Variants in ATP1B3 observed in about 807,000 individuals in gnomAD.
ATP1B3 encodes the protein ATPase Na+/K+ transporting subunit beta 3.
ATP1B3 carries 10 observed loss-of-function variants against 30.2 expected under a neutral mutation model. The observed-to-expected ratio is 0.33, with a 90% CI of 0.20 to 0.56. ATP1B3 has a LOEUF of 0.56. Among genes scored for constraint, ATP1B3 ranks in the 20% least tolerant of loss-of-function variants. ATP1B3 has a pLI of 0.90. For synonymous variants in ATP1B3, 113 were observed against 117.0 expected, an observed-to-expected ratio of 0.97 and a Z score of 0.22; for missense variants, 238 against 336.7, an observed-to-expected ratio of 0.71 and a Z score of 2.29.
intron 6 of ATP1B3, among the ~76,000 whole-genome samples, chr3:141,923,425 T>C (rs367633028): frequency 3.3e-5 from 5 of 152,012 alleles, no homozygotes; most frequent in Non-Finnish European, 7.3e-5. Flanking sequence ...CTCAGGACTC[T>C]GTTGAAAGTA....
chr3:141,910,802 ATTTT>A (rs1281369260), intron 3 of ATP1B3, among the ~76,000 whole-genome samples: 1 of 106,958 alleles, frequency 9.3e-6, no homozygotes, highest in Non-Finnish European at 2.0e-5. Context: ...AATTATTTTT[ATTTT>A]TTCTCTTAAT....
At chr3:141,915,071 C>T (rs1934430121) in intron 4 of ATP1B3, among the ~76,000 whole-genome samples, 1 of 152,132 alleles carries the variant, frequency 6.6e-6, no homozygotes, top group Non-Finnish European at 1.5e-5. Flanking sequence ...CTAGAAGTAT[C>T]CTCACGACAT....
chr3:141,915,888 C>G, intron 4 of ATP1B3, 82 bp from the exon 5 acceptor site: 1 of 1,079,100 alleles, frequency 9.3e-7, no homozygotes. Flanking sequence ...AAGTCTTCAC[C>G]CCTTGTTCCC....
chr3:141,898,679 A>G (rs1402715710), intron 1 of ATP1B3, among the ~76,000 whole-genome samples: 1 of 152,206 alleles, frequency 6.6e-6, no homozygotes, highest in Non-Finnish European at 1.5e-5. Context: ...AAGACAGTCT[A>G]CCAGTTACTC....
At position 141,925,851 on chromosome 3, in the gene ATP1B3, A is replaced by G. The variant is rs576509089; in HGVS notation, c.*150A>G. The G allele has an allele frequency of 5.0e-6, 5 of 1,003,814 alleles. No homozygotes were observed. The South Asian group carries it at 8.4e-5, about 17-fold the overall frequency. The allele number at this position is 1,003,814 out of a possible 1,614,324, so 62.2% of individuals were successfully genotyped here. Reference sequence around the variant, plus strand: ...TTACATCATAACGTGCTTCCAGATCATAGTGTTCAGTGTCCTCTGAAGTAA... The same window carrying G: ...TTACATCATAACGTGCTTCCAGATCGTAGTGTTCAGTGTCCTCTGAAGTAA... On this transcript the variant is annotated 3_prime_UTR_variant, in exon 7 of 7. Transcript: ENST00000286371.
intron 1 of ATP1B3, among the ~76,000 whole-genome samples, chr3:141,890,285 C>CTTTTTTTTTTTT (rs775182342): frequency 3.5e-5 from 1 of 28,554 alleles, no homozygotes; most frequent in Non-Finnish European, 5.8e-5. Context: ...TTTTGTGGGG[C>CTTTTTTTTTTTT]TTTTTTTTTT....
At chr3:141,884,849 G>A (rs1159463604) in intron 1 of ATP1B3, among the ~76,000 whole-genome samples, 1 of 152,116 alleles carries the variant, frequency 6.6e-6, no homozygotes, top group Non-Finnish European at 1.5e-5. Flanking sequence ...CTCAGGTGCT[G>A]TCTTTGGCCT....
rs548018842 is a variant in ATP1B3, at chr3:141,911,308, G to T, written c.347-2344G>T. Among the ~76,000 whole-genome samples the T allele has an allele frequency of 3.3e-5, 5 of 152,098 alleles. No individual in the cohort carries two copies. The South Asian group carries it at 1.0e-3, about 32-fold the overall frequency. ...TCAACTCCTTTTTGGTTTTTAAAAC[G>T]TTCGACTGCTGTCAATCCTTATGCC... On this transcript the variant is annotated intron_variant, in intron 3 of 6. Coordinates refer to ENST00000286371, the MANE Select transcript of ATP1B3 (RefSeq NM_001679.4).
At chr3:141,914,405 G>T (rs1934419554) in intron 4 of ATP1B3, among the ~76,000 whole-genome samples, 1 of 152,126 alleles carries the variant, frequency 6.6e-6, no homozygotes, top group Non-Finnish European at 1.5e-5. Flanking sequence ...TTTACAGAAG[G>T]GTGCCTAAAT....
At chr3:141,890,285 C>CCT (rs1933922761) in intron 1 of ATP1B3, among the ~76,000 whole-genome samples, 1 of 28,568 alleles carries the variant, frequency 3.5e-5, no homozygotes, top group African/African-American at 1.4e-4. Flanking sequence ...TTTTGTGGGG[C>CCT]TTTTTTTTTT....
chr3:141,894,332 T>A (rs1462308644), intron 1 of ATP1B3, among the ~76,000 whole-genome samples: 2 of 152,154 alleles, frequency 1.3e-5, no homozygotes. Flanking sequence ...TACAATTTTT[T>A]TTTTTAATTG....
intron 5 of ATP1B3, chr3:141,921,709 T>G: frequency 4.5e-6 from 1 of 220,602 alleles, no homozygotes; most frequent in Non-Finnish European, 8.6e-6. Flanking sequence ...GTACATGAGT[T>G]AAAGAAGGGA....
At chr3:141,922,688 C>G (rs531157821) in intron 6 of ATP1B3, among the ~76,000 whole-genome samples, 1 of 152,122 alleles carries the variant, frequency 6.6e-6, no homozygotes, top group Admixed American at 6.6e-5. Flanking sequence ...AAAATCAAGG[C>G]CAGGCGCAGT....
chr3:141,877,440 G>A (rs1378679285), intron 1 of ATP1B3: 1 of 152,306 alleles, frequency 6.6e-6, no homozygotes, highest in African/African-American at 2.4e-5. Context: ...CCGGTCGGAA[G>A]AGTGCGACTG....
chr3:141,904,614 A>T (rs2068231), intron 2 of ATP1B3, among the ~76,000 whole-genome samples: 47,135 of 151,734 alleles, frequency 0.31, 8,954 homozygotes, highest in African/African-American at 0.54. Context: ...CTGGAAAAAA[A>T]ATTCATTATA....
intron 2 of ATP1B3, among the ~76,000 whole-genome samples, chr3:141,904,958 G>A (rs185459157): frequency 1.3e-4 from 20 of 152,096 alleles, no homozygotes; most frequent in Admixed American, 3.9e-4. Context: ...CGATCCACCC[G>A]CCTCGGCCTC....
chr3:141,890,378 C>A (rs1327836733), intron 1 of ATP1B3, among the ~76,000 whole-genome samples: 1 of 135,366 alleles, frequency 7.4e-6, no homozygotes, highest in Non-Finnish European at 1.5e-5. Context: ...TTTTGGCTCA[C>A]TGCAACCTCC....
At chr3:141,903,303 C>A (rs1032159109) in intron 1 of ATP1B3, among the ~76,000 whole-genome samples, 3 of 152,016 alleles carry the variant, frequency 2.0e-5, no homozygotes, top group Middle Eastern at 3.2e-3. Context: ...GCATCAAGTT[C>A]ATTTTGGGAA....
chr3:141,917,941 G>A (rs191064019), intron 5 of ATP1B3, among the ~76,000 whole-genome samples: 211 of 151,342 alleles, frequency 1.4e-3, no homozygotes, highest in African/African-American at 5.0e-3. Flanking sequence ...CTAATTTTTT[G>A]TATTTTTTAG....
Sources: gnomAD v4.1 joint callset for allele counts (sites outside exome capture counted in the v4.1 genomes callset) on GRCh38, gnomAD v4.1.1 for gene constraint, MANE v1.5 for transcripts, NCBI Gene and HGNC (gene_info 2026-07-23, HGNC 2026-07-21) for gene names.